The following CCDC102B variants were observed in gnomAD, a reference collection of about 807,000 sequenced individuals.
The protein encoded by CCDC102B is coiled-coil domain-containing protein 102B.
In CCDC102B, 75 loss-of-function variants were observed where a neutral mutation model predicts 57.4. That is an observed-to-expected ratio of 1.31 (90% confidence interval 1.08 to 1.58). The LOEUF (loss-of-function observed/expected upper bound fraction) is 1.58. Ranked by LOEUF, CCDC102B falls within the 40% of genes most tolerant of loss-of-function variation. The pLI, the probability that CCDC102B is intolerant of heterozygous loss-of-function variation, is 0.00. For synonymous variants in CCDC102B, 206 were observed against 201.9 expected (o/e 1.02, Z -0.17); for missense variants, 636 against 582.6 (o/e 1.09, Z -0.94).
chr18:68,869,531 A>C lies in CCDC102B; in HGVS notation c.937-5138A>C, dbSNP rs77713138. On this transcript the variant is annotated intron_variant, in intron 4 of 7. Transcript: ENST00000360242. ...TTCAAGGCACTTGATGGTAAAAGGA[A>C]ACAAAGAACTTGAGTGGAAGCTCCA... Among the ~76,000 whole-genome samples the C allele has an allele frequency of 2.1e-4, 32 of 152,344 alleles. No individual in the cohort carries two copies. In the East Asian group the frequency reaches 3.7e-3, roughly 17 times the overall value.
intron 2 of CCDC102B, among the ~76,000 whole-genome samples, chr18:68,729,027 GTAGC>G (rs1033389426): frequency 6.6e-6 from 1 of 152,044 alleles, no homozygotes; most frequent in African/African-American, 2.4e-5. Flanking sequence ...GTTTACCAAA[GTAGC>G]TAGGTTTATG....
intron 6 of CCDC102B, among the ~76,000 whole-genome samples, chr18:68,956,618 TA>T (rs201987873): frequency 0.12 from 8,284 of 71,134 alleles, 2,039 homozygotes; most frequent in African/African-American, 0.41. Context: ...ATAAAATATA[TA>T]ATATATATAT....
intron 1 of CCDC102B, among the ~76,000 whole-genome samples, chr18:68,801,009 G>A (rs940665024): frequency 6.6e-6 from 1 of 151,382 alleles, no homozygotes; most frequent in African/African-American, 2.4e-5. Context: ...ATAACAACGA[G>A]GTTTTTTTGT....
At chr18:68,790,756 T>C (rs1005475322) in intron 2 of CCDC102B, among the ~76,000 whole-genome samples, 2 of 152,168 alleles carry the variant, frequency 1.3e-5, no homozygotes, top group African/African-American at 4.8e-5. Flanking sequence ...ATGAACCTGG[T>C]ACCTCAGATG....
At chr18:68,741,537 A>C (rs1335720687) in intron 2 of CCDC102B, among the ~76,000 whole-genome samples, 2 of 152,016 alleles carry the variant, frequency 1.3e-5, no homozygotes, top group Non-Finnish European at 2.9e-5. Flanking sequence ...TACAAATAAG[A>C]CTCAGGAATA....
rs573764620 is a variant in CCDC102B at position 68,768,971 on chromosome 18, T to C, written c.-67+52377T>C. ...AGGTGAAATGTAAAGATGGAATTGATGGCTGAATTCGGTGGTTCACGCCTG... is the reference window on the plus strand; with the variant it reads ...AGGTGAAATGTAAAGATGGAATTGACGGCTGAATTCGGTGGTTCACGCCTG... On this transcript the variant is annotated intron_variant, in intron 2 of 3. Transcript: ENST00000578970. Among the ~76,000 whole-genome samples, 5 of 152,136 alleles carry C rather than the reference T, an allele frequency of 3.3e-5. No homozygotes were observed. The East Asian group carries it at 9.7e-4, about 30-fold the overall frequency.
At chr18:68,803,894 C>T (rs988985936) in intron 1 of CCDC102B, among the ~76,000 whole-genome samples, 22 of 152,246 alleles carry the variant, frequency 1.4e-4, no homozygotes, top group African/African-American at 5.3e-4. Flanking sequence ...TAAACTACAA[C>T]CACTTTATTC....
rs199750681 is a variant in CCDC102B at position 68,836,786 on chromosome 18, G to C, written c.23G>C (p.Arg8Pro). The C allele has an allele frequency of 1.2e-6, 2 of 1,612,422 alleles. No homozygotes were observed. Among genetic ancestry groups the C allele is most frequent in the Non-Finnish European group, 1.7e-6 (2 of 1,179,538 alleles). Residue 8 changes from arginine to proline, a missense_variant, in exon 2 of 8, where the codon CGA becomes CCA. By Grantham distance (103) the Arg-to-Pro change is moderately radical. Transcript: ENST00000360242. MNLDSIH[R>P]LIEETQIFQM... ...AATATGAATTTAGATTCCATACATCGATTAATTGAGGAAACACAGATCTTC... is the reference window on the plus strand; with the variant it reads ...AATATGAATTTAGATTCCATACATCCATTAATTGAGGAAACACAGATCTTC...
chr18:68,887,136 C>G (rs770028261), intron 5 of CCDC102B, among the ~76,000 whole-genome samples: 11 of 152,040 alleles, frequency 7.2e-5, no homozygotes, highest in Non-Finnish European at 1.5e-4. Flanking sequence ...AAACAGTTGT[C>G]ATTGTAACCT....
intron 2 of CCDC102B, among the ~76,000 whole-genome samples, chr18:68,728,945 T>A (rs189553362): frequency 0.023 from 3,446 of 151,942 alleles, 115 homozygotes; most frequent in African/African-American, 0.07. Flanking sequence ...GATTTTTTTT[T>A]AAAAAAGTTC....
At position 68,791,011 on chromosome 18, in the gene CCDC102B, T is replaced by C. The variant is rs138743943; in HGVS notation, c.-66-32355T>C. Among the ~76,000 whole-genome samples the C allele has an allele frequency of 3.2e-3, 494 of 152,274 alleles. 2 individuals are homozygous for C. The highest frequency in any genetic ancestry group is 5.4e-3 in the Non-Finnish European group (370 of 68,012). On this transcript the variant is annotated intron_variant, in intron 2 of 3. Coordinates refer to the CCDC102B transcript ENST00000578970. ...AAAAGGAGAGATTAGCAAAAAACAA[T>C]AAACTTTCAAGAGAGTAAAATAAAA...
At chr18:68,789,032 C>G (rs1431654766) in intron 2 of CCDC102B, among the ~76,000 whole-genome samples, 24 of 152,280 alleles carry the variant, frequency 1.6e-4, no homozygotes, top group Admixed American at 8.5e-4. Flanking sequence ...CTGGTGTTGA[C>G]AAAATCTCTC....
chr18:68,765,346 A>G (rs2034416779), intron 2 of CCDC102B, among the ~76,000 whole-genome samples: 1 of 143,056 alleles, frequency 7.0e-6, no homozygotes. Context: ...AGAAAGAAAG[A>G]AAGAAAGAAA....
At chr18:68,780,181 C>T (rs1446093324) in intron 2 of CCDC102B, among the ~76,000 whole-genome samples, 1 of 152,060 alleles carries the variant, frequency 6.6e-6, no homozygotes, top group Non-Finnish European at 1.5e-5. Context: ...AATGTTTTAG[C>T]ATGCATCAGT....
intron 2 of CCDC102B, among the ~76,000 whole-genome samples, chr18:68,744,252 G>T (rs2033525694): frequency 6.6e-6 from 1 of 152,154 alleles, no homozygotes; most frequent in South Asian, 2.1e-4. Context: ...GGCTTTGGTG[G>T]CAGACTTGTC....
chr18:68,988,923 T>C (rs2050794570), intron 6 of CCDC102B, among the ~76,000 whole-genome samples: 1 of 152,214 alleles, frequency 6.6e-6, no homozygotes, highest in African/African-American at 2.4e-5. Flanking sequence ...TTTTATGCTA[T>C]GAGGACCTTT....
chr18:68,908,761 ATACTG>A (rs2040732907), intron 6 of CCDC102B, among the ~76,000 whole-genome samples: 1 of 152,194 alleles, frequency 6.6e-6, no homozygotes, highest in African/African-American at 2.4e-5. Flanking sequence ...TTTATTAAGA[ATACTG>A]TAGTAAGTGA....
At chr18:69,040,068 G>A (rs145726290) in intron 7 of CCDC102B, among the ~76,000 whole-genome samples, 9 of 151,752 alleles carry the variant, frequency 5.9e-5, no homozygotes, top group African/African-American at 2.2e-4. Flanking sequence ...CAGGGGAAAG[G>A]CTTATAAGGT....
intron 6 of CCDC102B, among the ~76,000 whole-genome samples, chr18:69,000,534 G>A (rs2051173049): frequency 6.6e-6 from 1 of 152,018 alleles, no homozygotes; most frequent in East Asian, 1.9e-4. Flanking sequence ...GATAAATATT[G>A]CACACAGACA....
Sources: allele counts gnomAD v4.1 joint callset (sites outside exome capture counted in the v4.1 genomes callset), GRCh38; gene constraint gnomAD v4.1.1; transcripts MANE v1.5; gene names NCBI Gene and HGNC (gene_info 2026-07-23, HGNC 2026-07-21).